The following BCKDHB variants were observed in gnomAD, a reference collection of about 807,000 sequenced individuals.
BCKDHB encodes the protein branched chain keto acid dehydrogenase E1 subunit beta, also known as 2-oxoisovalerate dehydrogenase subunit beta, mitochondrial.
In BCKDHB, 41 loss-of-function variants were observed where a neutral mutation model predicts 48.5. The observed-to-expected ratio is 0.85, with a 90% confidence interval of 0.66 to 1.10. The LOEUF (loss-of-function observed/expected upper bound fraction) is 1.10. BCKDHB is among the 50% of genes least tolerant of loss of function. BCKDHB has a pLI of 0.00. For missense variants in BCKDHB, 496 were observed against 494.2 expected (o/e 1.00, Z -0.03); for synonymous variants, 201 against 174.8 (o/e 1.15, Z -1.18).
the BCKDHB span, among the ~76,000 whole-genome samples, chr6:80,351,821 TTTC>T: frequency 2.5e-5 from 3 of 118,456 alleles, no homozygotes; most frequent in Admixed American, 1.6e-4. Context: ...TTTTTCTTTC[TTTC>T]TTTTTTTTTT....
intron 9 of BCKDHB, among the ~76,000 whole-genome samples, chr6:80,281,444 A>T (rs575663206): frequency 3.1e-4 from 47 of 152,288 alleles, no homozygotes; most frequent in African/African-American, 1.1e-3. Context: ...AAGACAGCTA[A>T]AGACTAATGG....
intron 3 of BCKDHB, among the ~76,000 whole-genome samples, chr6:80,152,374 A>T (rs1771827483): frequency 5.3e-5 from 8 of 152,172 alleles, no homozygotes. Context: ...CAAGACTGTT[A>T]TTCTTTCTTT....
chr6:80,195,672 T>C (rs12662365), intron 6 of BCKDHB, among the ~76,000 whole-genome samples: 4 of 152,002 alleles, frequency 2.6e-5, no homozygotes, highest in African/African-American at 9.7e-5. Context: ...CCAATAATGG[T>C]CCTAAGATTA....
intron 3 of BCKDHB, among the ~76,000 whole-genome samples, chr6:80,134,742 A>G (rs1770799413): frequency 1.4e-5 from 2 of 144,320 alleles, no homozygotes; most frequent in East Asian, 4.2e-4. Flanking sequence ...GTTTTGTTTT[A>G]TTTTATTTAT....
rs145337344 is a variant in BCKDHB at position 80,174,419 on chromosome 6, C to A, written c.742+3029C>A. ...TTGTTCCAGCCCCTCTACCCCAATA[C>A]CAAAATCCAGAGCATACTCAAGTCC... On this transcript the variant is annotated intron_variant, in intron 6 of 9. Coordinates refer to ENST00000320393, the MANE Select transcript of BCKDHB (RefSeq NM_183050.4). Among the ~76,000 whole-genome samples, 1,213 of 152,134 alleles carry A rather than the reference C, an allele frequency of 8.0e-3. 5 individuals are homozygous for A. The highest frequency in any genetic ancestry group is 0.011 in the Non-Finnish European group (774 of 67,998).
the BCKDHB span, among the ~76,000 whole-genome samples, chr6:80,455,526 C>T: frequency 2.7e-5 from 4 of 150,892 alleles, no homozygotes; most frequent in African/African-American, 9.8e-5. Context: ...TCTTGTAGGG[C>T]TTAGACTCCT....
At chr6:80,317,326 A>G (rs868723296) in intron 9 of BCKDHB, among the ~76,000 whole-genome samples, 6 of 152,312 alleles carry the variant, frequency 3.9e-5, no homozygotes, top group East Asian at 1.9e-4. Context: ...ACACATATCA[A>G]TGGTCTAAAA....
intron 9 of BCKDHB, among the ~76,000 whole-genome samples, chr6:80,335,778 CTT>C (rs1769563736): frequency 6.6e-6 from 1 of 151,918 alleles, no homozygotes; most frequent in Admixed American, 6.6e-5. Flanking sequence ...GGTGAGGAAA[CTT>C]TGATAGTTCA....
intron 9 of BCKDHB, among the ~76,000 whole-genome samples, chr6:80,281,757 C>T (rs143222525): frequency 0.011 from 1,749 of 152,220 alleles, 24 homozygotes; most frequent in African/African-American, 0.04. Context: ...TCTCCCTGTC[C>T]TCATTCTCTC....
chr6:80,379,031 C>G, the BCKDHB span, among the ~76,000 whole-genome samples: 1 of 152,036 alleles, frequency 6.6e-6, no homozygotes, highest in Non-Finnish European at 1.5e-5. Context: ...GAGCTACTAC[C>G]AATCTTGCTG....
At position 80,148,317 on chromosome 6, in the gene BCKDHB, C is replaced by T. The variant is rs149062458; in HGVS notation, c.343+19088C>T. ...TACTTTATTTCAAGTGAAAGTCATC[C>T]TTCTGCATATATGCTTATTAGTTTC... On this transcript the variant is annotated intron_variant, in intron 3 of 9. Transcript: ENST00000320393. Among the ~76,000 whole-genome samples the T allele has an allele frequency of 9.6e-4, 146 of 151,666 alleles. 2 individuals are homozygous for T. Among genetic ancestry groups the T allele is most frequent in the African/African-American group, 3.4e-3 (139 of 41,052 alleles).
At chr6:80,335,735 C>T (rs2223875) in intron 9 of BCKDHB, among the ~76,000 whole-genome samples, 70,188 of 151,626 alleles carry the variant, frequency 0.46, 17,082 homozygotes, top group Admixed American at 0.61. Flanking sequence ...TTTTTTTTGC[C>T]GTTGTTTCTC....
intron 3 of BCKDHB, among the ~76,000 whole-genome samples, chr6:80,160,130 C>G (rs962453938): frequency 6.6e-6 from 1 of 152,124 alleles, no homozygotes; most frequent in Non-Finnish European, 1.5e-5. Context: ...TTTAACCTAT[C>G]AGGAGGTAAT....
chr6:80,456,394 G>C, the BCKDHB span, among the ~76,000 whole-genome samples: 1 of 152,050 alleles, frequency 6.6e-6, no homozygotes, highest in Non-Finnish European at 1.5e-5. Context: ...CAAAGCTTTG[G>C]GGGTGTCTCT....
At chr6:80,389,673 A>G in the BCKDHB span, among the ~76,000 whole-genome samples, 2 of 152,314 alleles carry the variant, frequency 1.3e-5, no homozygotes, top group East Asian at 1.9e-4. Context: ...TGGTTTTACC[A>G]TGTCCCCATT....
chr6:80,303,535 G>A (rs1767692497), intron 9 of BCKDHB, among the ~76,000 whole-genome samples: 1 of 151,998 alleles, frequency 6.6e-6, no homozygotes, highest in African/African-American at 2.4e-5. Context: ...CTGCATAAGA[G>A]CCAGAAAGGA....
At chr6:80,442,722 G>A in the BCKDHB span, among the ~76,000 whole-genome samples, 4 of 152,214 alleles carry the variant, frequency 2.6e-5, no homozygotes, top group East Asian at 5.8e-4. Flanking sequence ...GCTAGTGAGG[G>A]GAGAGTATCT....
chr6:80,248,247 C>T (rs188942416), intron 8 of BCKDHB, among the ~76,000 whole-genome samples: 10 of 152,222 alleles, frequency 6.6e-5, no homozygotes, highest in African/African-American at 2.2e-4. Flanking sequence ...AGCATCTTTT[C>T]CACTGTTTAA....
At position 80,134,697 on chromosome 6, in the gene BCKDHB, A is replaced by G. The variant is rs1251559441; in HGVS notation, c.343+5468A>G. Among the ~76,000 whole-genome samples the G allele has an allele frequency of 1.3e-5, 2 of 151,842 alleles. 1 individual carries two copies. The highest frequency in any genetic ancestry group is 1.3e-4 in the Admixed American group (2 of 15,222). ...GAACCATGGGGTACCTTAGGCATTTAATTTAATTTTTTCTTAAGATGTCCC... is the reference window on the plus strand; with the variant it reads ...GAACCATGGGGTACCTTAGGCATTTGATTTAATTTTTTCTTAAGATGTCCC... On this transcript the variant is annotated intron_variant, in intron 3 of 9. Coordinates refer to ENST00000320393, the MANE Select transcript of BCKDHB (RefSeq NM_183050.4).
Sources: gnomAD v4.1 joint callset for allele counts (sites outside exome capture counted in the v4.1 genomes callset) on GRCh38, gnomAD v4.1.1 for gene constraint, MANE v1.5 for transcripts, NCBI Gene and HGNC (gene_info 2026-07-23, HGNC 2026-07-21) for gene names.